The following CDS1 variants were observed in gnomAD, a reference collection of about 807,000 sequenced individuals.
The protein encoded by CDS1 is CDP-diacylglycerol synthase 1.
In CDS1, 41 loss-of-function variants were observed where a neutral mutation model predicts 62.1. That is an observed-to-expected ratio of 0.66 (90% CI 0.51 to 0.86). The LOEUF is 0.86. Ranked by LOEUF, CDS1 falls within the 40% of genes least tolerant of loss-of-function variation. CDS1 has a pLI of 0.00. For synonymous variants in CDS1, 185 were observed against 192.6 expected (o/e 0.96, Z 0.32); for missense variants, 470 against 550.1 (o/e 0.85, Z 1.46).
At chr4:84,619,049 A>ACC (rs1004411092) in intron 4 of CDS1, among the ~76,000 whole-genome samples, 2 of 114,668 alleles carry the variant, frequency 1.7e-5, no homozygotes, top group African/African-American at 6.2e-5. Context: ...ATTTATACAC[A>ACC]CACACACACA....
chr4:84,616,013 T>C (rs764514811), intron 3 of CDS1, among the ~76,000 whole-genome samples: 10 of 152,226 alleles, frequency 6.6e-5, no homozygotes, highest in Non-Finnish European at 1.0e-4. Context: ...AATACTTTTG[T>C]TCTCTCCTCT....
At chr4:84,645,130 G>C (rs887397410) in intron 11 of CDS1, 92 bp from the exon 12 acceptor site, 2 of 793,394 alleles carry the variant, frequency 2.5e-6, no homozygotes, top group African/African-American at 3.5e-5. Context: ...ATTTTCGTTA[G>C]AGTGAGTCCA....
intron 5 of CDS1, among the ~76,000 whole-genome samples, chr4:84,621,241 G>A (rs1041465797): frequency 3.9e-5 from 6 of 152,264 alleles, no homozygotes; most frequent in Non-Finnish European, 8.8e-5. Context: ...ACTAGTTATT[G>A]TTTTAGCTCC....
chr4:84,631,265 T>C (rs1724011013), intron 5 of CDS1, among the ~76,000 whole-genome samples: 1 of 152,152 alleles, frequency 6.6e-6, no homozygotes, highest in Admixed American at 6.5e-5. Flanking sequence ...CCTTTGTGCA[T>C]TTTTCCTCAT....
intron 5 of CDS1, among the ~76,000 whole-genome samples, chr4:84,627,907 C>T (rs917104468): frequency 3.3e-5 from 5 of 152,126 alleles, no homozygotes; most frequent in Non-Finnish European, 5.9e-5. Flanking sequence ...AAACACTATA[C>T]ACATGCTAGT....
rs1723244353 is a variant in CDS1, at chr4:84,609,410, C to A, written c.246-19C>A. The A allele has an allele frequency of 1.3e-6, 2 of 1,481,484 alleles. No individual in the cohort carries two copies. Among genetic ancestry groups the A allele is most frequent in the Non-Finnish European group, 1.9e-6 (2 of 1,061,218 alleles). 91.8% of individuals were successfully genotyped at this position (1,481,484 alleles called of 1,614,324 possible). On this transcript the variant is annotated intron_variant, in intron 2 of 12. Transcript: ENST00000295887. Reference sequence around the variant, plus strand: ...ACCTTAAGAACACGTTAAATACTAACTTTACATTTTCTTTGTAGGTGGAAA... The same window carrying A: ...ACCTTAAGAACACGTTAAATACTAAATTTACATTTTCTTTGTAGGTGGAAA...
chr4:84,589,764 G>A (rs1446476883), intron 1 of CDS1, among the ~76,000 whole-genome samples: 1 of 152,162 alleles, frequency 6.6e-6, no homozygotes, highest in Non-Finnish European at 1.5e-5. Flanking sequence ...GGAGAGGCAA[G>A]TTGTAACGTA....
At chr4:84,615,895 A>G (rs1291143527) in intron 3 of CDS1, among the ~76,000 whole-genome samples, 1 of 152,226 alleles carries the variant, frequency 6.6e-6, no homozygotes, top group African/African-American at 2.4e-5. Flanking sequence ...GAAGGATTTC[A>G]ACACTACTAT....
At position 84,650,954 on chromosome 4, in the gene CDS1, T is replaced by TG. The variant is rs1424529052; in HGVS notation, c.*2269dup. ...ATGTAGCAATGTGGTGGCAGACAAATGAAAAACTAGGAAGTTCTTTCACAG... is the reference window on the plus strand; with the variant it reads ...ATGTAGCAATGTGGTGGCAGACAAATGGAAAAACTAGGAAGTTCTTTCACAG... On this transcript the variant is annotated 3_prime_UTR_variant, in exon 13 of 13. Coordinates refer to ENST00000295887, the MANE Select transcript of CDS1 (RefSeq NM_001263.4). 2 of 152,064 alleles carry TG rather than the reference T, an allele frequency of 1.3e-5. No homozygotes were observed. Among genetic ancestry groups the TG allele is most frequent in the Non-Finnish European group, 2.9e-5 (2 of 68,014 alleles). 9.4% of individuals were successfully genotyped at this position (152,064 alleles called of 1,614,324 possible).
chr4:84,586,738 G>A (rs183161091), intron 1 of CDS1, among the ~76,000 whole-genome samples: 6 of 152,316 alleles, frequency 3.9e-5, no homozygotes, highest in Non-Finnish European at 7.4e-5. Context: ...GGCTGAGATA[G>A]AACGTGGAGT....
chr4:84,603,560 C>T (rs530178009), intron 1 of CDS1, among the ~76,000 whole-genome samples: 1 of 152,318 alleles, frequency 6.6e-6, no homozygotes, highest in South Asian at 2.1e-4. Flanking sequence ...CACCCTATCC[C>T]TGGAAATTCT....
At chr4:84,634,824 A>T (rs1724127724) in intron 7 of CDS1, among the ~76,000 whole-genome samples, 1 of 152,220 alleles carries the variant, frequency 6.6e-6, no homozygotes, top group African/African-American at 2.4e-5. Flanking sequence ...GATAGAATTA[A>T]AATTAATAAT....
At chr4:84,614,065 A>G (rs182314311) in intron 3 of CDS1, among the ~76,000 whole-genome samples, 1 of 152,306 alleles carries the variant, frequency 6.6e-6, no homozygotes. Flanking sequence ...CTGTGGTCAT[A>G]ATAATAATGT....
chr4:84,641,040 GA>G (rs1314635577), intron 10 of CDS1, 50 bp downstream of exon 10: 1 of 1,140,486 alleles, frequency 8.8e-7, no homozygotes, highest in African/African-American at 1.6e-5. Flanking sequence ...CCACTCTGAA[GA>G]TTAAGCTTCC....
chr4:84,601,425 A>C (rs1267157346), intron 1 of CDS1, among the ~76,000 whole-genome samples: 1 of 152,158 alleles, frequency 6.6e-6, no homozygotes, highest in African/African-American at 2.4e-5. Flanking sequence ...AAATGATGCC[A>C]GTGGAAAACC....
chr4:84,583,878 C>T (rs1722335676), intron 1 of CDS1, among the ~76,000 whole-genome samples: 1 of 152,132 alleles, frequency 6.6e-6, no homozygotes, highest in African/African-American at 2.4e-5. Context: ...TAGCTGCCAC[C>T]TCACCTCTCT....
At chr4:84,629,290 G>A (rs966754982) in intron 5 of CDS1, among the ~76,000 whole-genome samples, 10 of 150,288 alleles carry the variant, frequency 6.7e-5, no homozygotes, top group Admixed American at 2.0e-4. Context: ...ATAATACACA[G>A]TTGGCCCTCC....
In CDS1 at chr4:84,604,271, A is replaced by G. The variant is rs1472127753; in HGVS notation, c.146A>G (p.Asp49Gly). ...ACAGATATTGATGACAGATATGGAG[A>G]TTTGGATTCCAGAACAGATTCTGAT... ...KETDIDDRYG[D>G]LDSRTDSDIP... Residue 49 changes from aspartate to glycine, a missense_variant, in exon 2 of 13, where the codon GAT becomes GGT. Physicochemically the swap from Asp to Gly is moderately conservative, Grantham distance 94. Around this residue, in one of 5 missense-constraint regions of CDS1, gnomAD observed 150 missense variants for 142.0 expected, o/e 1.06. Transcript: ENST00000295887. The G allele has an allele frequency of 6.2e-7, 1 of 1,612,400 alleles. No individual in the cohort carries two copies. The highest frequency in any genetic ancestry group is 8.5e-7 in the Non-Finnish European group (1 of 1,179,116).
Position 84,648,671 on chromosome 4 carries a change from C to T in CDS1, c.1371C>T (p.Pro457=). Reference sequence around the variant, plus strand: ...TCATTGAGAAAGGAATCCTACAACCCACCTTGAAGGTATAACTGGATCCAG... The same window carrying T: ...TCATTGAGAAAGGAATCCTACAACCTACCTTGAAGGTATAACTGGATCCAG... ...THLIEKGILQ[P]TLKV is the part of the protein sequence containing the mutation. The change falls in exon 13 of 13, where the codon CCC becomes CCT. Residue 457 remains proline (P), a synonymous_variant. Transcript: ENST00000295887. 1.9e-6 allele frequency: 3 copies of T among 1,613,038 alleles called. No homozygotes were observed. Among genetic ancestry groups the T allele is most frequent in the Non-Finnish European group, 2.5e-6 (3 of 1,179,400 alleles).
Sources: allele counts gnomAD v4.1 joint callset (sites outside exome capture counted in the v4.1 genomes callset), GRCh38; gene constraint gnomAD v4.1.1; regional missense constraint gnomAD v4.1.1; transcripts MANE v1.5; gene names NCBI Gene and HGNC (gene_info 2026-07-23, HGNC 2026-07-21).